Variants in COLEC12 observed in about 807,000 individuals in gnomAD.
COLEC12 encodes collectin-12.
Under a neutral mutation model 71.1 loss-of-function variants are expected in COLEC12, and 33 were observed. The ratio of observed to expected loss-of-function variants is 0.46; its 90% CI spans 0.35 to 0.62. The LOEUF (loss-of-function observed/expected upper bound fraction) is 0.62, where lower values mean the gene tolerates loss of function less well. COLEC12 is among the 20% of genes least tolerant of loss of function. The pLI, the probability that COLEC12 is intolerant of heterozygous loss-of-function variation, is 0.00. For synonymous variants in COLEC12, 350 were observed against 353.0 expected, an observed-to-expected ratio of 0.99 and a Z score of 0.10; for missense variants, 765 against 916.1, an observed-to-expected ratio of 0.84 and a Z score of 2.13.
intron 3 of COLEC12, among the ~76,000 whole-genome samples, chr18:354,475 G>A (rs137934233): frequency 2.0e-5 from 3 of 152,254 alleles, no homozygotes; most frequent in Admixed American, 1.3e-4. Flanking sequence ...CTTTCCTTTC[G>A]ATTTCTCCTT....
chr18:419,949 C>T (rs1916063775), intron 2 of COLEC12, among the ~76,000 whole-genome samples: 4 of 152,314 alleles, frequency 2.6e-5, no homozygotes, highest in Admixed American at 2.6e-4. Context: ...GTTCTTGGAG[C>T]CCTTGCAAGA....
At chr18:397,564 GT>G (rs1660080765) in intron 2 of COLEC12, among the ~76,000 whole-genome samples, 1 of 152,140 alleles carries the variant, frequency 6.6e-6, no homozygotes, top group Non-Finnish European at 1.5e-5. Context: ...TCTTGTAATG[GT>G]GTCTGGCAAA....
At chr18:350,576 A>G (rs1289678995) in intron 3 of COLEC12, among the ~76,000 whole-genome samples, 1 of 152,216 alleles carries the variant, frequency 6.6e-6, no homozygotes. Context: ...TGTGAGATAC[A>G]GCTTCTAGCA....
intron 2 of COLEC12, among the ~76,000 whole-genome samples, chr18:463,286 T>TC (rs1194244948): frequency 1.3e-5 from 2 of 152,118 alleles, no homozygotes; most frequent in Non-Finnish European, 2.9e-5. Context: ...TGTTTCATTT[T>TC]CCCCCCAGTC....
At chr18:448,920 C>T (rs1916704972) in intron 2 of COLEC12, among the ~76,000 whole-genome samples, 2 of 152,040 alleles carry the variant, frequency 1.3e-5, no homozygotes, top group South Asian at 4.1e-4. Context: ...GAATATTGTA[C>T]ATTTGGTATA....
At chr18:352,160 A>G (rs1914537092) in intron 3 of COLEC12, among the ~76,000 whole-genome samples, 1 of 152,252 alleles carries the variant, frequency 6.6e-6, no homozygotes, top group Admixed American at 6.5e-5. Context: ...CTTCATAGGT[A>G]CACATACTCC....
intron 1 of COLEC12, among the ~76,000 whole-genome samples, chr18:481,724 G>C (rs531358284): frequency 1.9e-4 from 29 of 152,052 alleles, no homozygotes; most frequent in African/African-American, 6.5e-4. Context: ...AAGAGAGGGA[G>C]AGATGTTTTA....
intron 2 of COLEC12, among the ~76,000 whole-genome samples, chr18:395,983 C>G (rs567716829): frequency 2.0e-5 from 3 of 152,214 alleles, no homozygotes; most frequent in Non-Finnish European, 2.9e-5. Context: ...CTGTGCGACC[C>G]AGAGCACACA....
At chr18:369,410 TTTATTTTTA>T (rs1914948650) in intron 2 of COLEC12, among the ~76,000 whole-genome samples, 1 of 142,730 alleles carries the variant, frequency 7.0e-6, no homozygotes, top group African/African-American at 2.5e-5. Flanking sequence ...TTTTTTTATT[TTTATTTTTA>T]TTTTTATTTT....
At chr18:415,526 AT>A (rs1421661505) in intron 2 of COLEC12, among the ~76,000 whole-genome samples, 3 of 147,644 alleles carry the variant, frequency 2.0e-5, no homozygotes, top group African/African-American at 7.3e-5. Flanking sequence ...AGATGCTGTT[AT>A]TGTGGCTTAC....
At chr18:343,684 T>C (rs1481053291) in intron 5 of COLEC12, among the ~76,000 whole-genome samples, 1 of 152,182 alleles carries the variant, frequency 6.6e-6, no homozygotes, top group African/African-American at 2.4e-5. Flanking sequence ...GTGACTATCC[T>C]TGGAGTTAAT....
intron 2 of COLEC12, among the ~76,000 whole-genome samples, chr18:385,706 T>C (rs1915331138): frequency 6.6e-6 from 1 of 152,184 alleles, no homozygotes; most frequent in Non-Finnish European, 1.5e-5. Context: ...TGGTATATTT[T>C]TTGTCTTGAG....
At position 500,082 on chromosome 18, in the gene COLEC12, G is replaced by A. The variant is rs1349410492; in HGVS notation, c.7+426C>T. On this transcript the variant is annotated intron_variant, in intron 1 of 9. Coordinates refer to ENST00000400256, the MANE Select transcript of COLEC12 (RefSeq NM_130386.3). The surrounding 1 kb of genome is among the most constrained non-coding windows in gnomAD (Gnocchi z 5.3). ...CCGGCCGCCAGCGCGGGGACCGCTC[G>A]GGCCGGGAAACGGCTAGAGGCGGGA... Among the ~76,000 whole-genome samples, 1 of 152,228 alleles carries A rather than the reference G, an allele frequency of 6.6e-6. No homozygotes were observed. The highest frequency in any genetic ancestry group is 1.5e-5 in the Non-Finnish European group (1 of 68,042).
intron 2 of COLEC12, among the ~76,000 whole-genome samples, chr18:428,754 T>C (rs1230994189): frequency 6.6e-6 from 1 of 152,206 alleles, no homozygotes; most frequent in Non-Finnish European, 1.5e-5. Flanking sequence ...GACACCAAAC[T>C]ATTACATATA....
intron 2 of COLEC12, among the ~76,000 whole-genome samples, chr18:360,839 T>A (rs1914729133): frequency 6.6e-6 from 1 of 152,138 alleles, no homozygotes; most frequent in African/African-American, 2.4e-5. Context: ...ATAAACTTGT[T>A]TATTATAATT....
At chr18:455,833 T>G (rs1199863114) in intron 2 of COLEC12, among the ~76,000 whole-genome samples, 1 of 152,226 alleles carries the variant, frequency 6.6e-6, no homozygotes, top group African/African-American at 2.4e-5. Flanking sequence ...ATCTCATTCT[T>G]TTTTACGGCT....
At chr18:382,109 T>C (rs970528289) in intron 2 of COLEC12, among the ~76,000 whole-genome samples, 1 of 152,210 alleles carries the variant, frequency 6.6e-6, no homozygotes, top group Non-Finnish European at 1.5e-5. Context: ...ACAGTATTTT[T>C]ACTAGCACAT....
chr18:478,906 G>A (rs1359994157), intron 2 of COLEC12, among the ~76,000 whole-genome samples: 5 of 123,104 alleles, frequency 4.1e-5, no homozygotes, highest in African/African-American at 7.2e-5. Flanking sequence ...CAACTCCCAC[G>A]CATAAATGTA....
At chr18:461,175 T>C (rs2143734098) in intron 2 of COLEC12, among the ~76,000 whole-genome samples, 1 of 152,328 alleles carries the variant, frequency 6.6e-6, no homozygotes, top group Admixed American at 6.5e-5. Context: ...TTGAAAATCA[T>C]CTATAACAGC....
Sources: allele counts gnomAD v4.1 joint callset (sites outside exome capture counted in the v4.1 genomes callset), GRCh38; gene constraint gnomAD v4.1.1; non-coding constraint Gnocchi (gnomAD v3.1); transcripts MANE v1.5; gene names NCBI Gene and HGNC (gene_info 2026-07-23, HGNC 2026-07-21).